ZNF626: variants seen among roughly 807,000 people sequenced by gnomAD.
ZNF626 encodes CTC-513N18.7.
A neutral mutation model predicts 11.7 loss-of-function variants in ZNF626; 4 were observed. The ratio of observed to expected loss-of-function variants is 0.34; its 90% CI spans 0.17 to 0.78. The LOEUF (loss-of-function observed/expected upper bound fraction) is 0.78. Among genes scored for constraint, ZNF626 ranks in the 30% least tolerant of loss-of-function variants. The pLI, the probability that ZNF626 is intolerant of heterozygous loss-of-function variation, is 0.57. For synonymous variants in ZNF626, 179 were observed against 198.6 expected (o/e 0.90, Z 0.83); for missense variants, 588 against 587.1 (o/e 1.00, Z -0.01).
chr19:20,646,378 T>C lies in ZNF626; in HGVS notation c.31A>G (p.Ile11Val). 1.2e-6 allele frequency: 2 copies of C among 1,614,136 alleles called. No homozygotes were observed. Among genetic ancestry groups the C allele is most frequent in the African/African-American group, 1.3e-5 (1 of 75,052 alleles). MGPLQFRDVA[I>V]EFSLEEWHCL... The stretch of plus-strand genomic sequence containing the variant: ...TGCCACTCCTCCAGAGAGAATTCTA[T>C]GGCCACATCTCTAAATTGCAATGGT... The change falls in exon 2 of 4, where the codon ATA (isoleucine) becomes GTA (valine). Residue 11 changes from isoleucine (I) to valine (V), a missense_variant. Ile to Val is a conservative substitution (Grantham distance 29, BLOSUM62 3). This residue lies in a region of ZNF626 where 524 missense variants were observed against 470.1 expected (regional missense o/e 1.11). Coordinates refer to ENST00000601440, the MANE Select transcript of ZNF626 (RefSeq NM_001076675.3).
chr19:20,631,266 G>A (rs1376440146), intron 3 of ZNF626, among the ~76,000 whole-genome samples: 9 of 151,924 alleles, frequency 5.9e-5, no homozygotes, highest in Non-Finnish European at 1.2e-4. Flanking sequence ...TTGGGGTGGA[G>A]AGTTCTATAA....
chr19:20,643,447 TTATA>T (rs1288095797), intron 3 of ZNF626, among the ~76,000 whole-genome samples: 31 of 152,100 alleles, frequency 2.0e-4, no homozygotes, highest in African/African-American at 6.8e-4. Flanking sequence ...GTAACTATGT[TTATA>T]TTTAGTAACT....
Position 20,658,336 on chromosome 19 carries a change from AGACTT to A in ZNF626, c.3+3103_3+3107del, listed in dbSNP as rs548203065. 2.0e-3 allele frequency among the ~76,000 whole-genome samples: 306 copies of A among 152,256 alleles called. 2 individuals carry two copies. The highest frequency in any genetic ancestry group is 7.2e-3 in the African/African-American group (300 of 41,560). ...TGGGGATATGCCAGGAGACCTGTAGAGACTTTTGGGTTCTTGGCAAGAAACGCTAG... is the reference window on the plus strand; with the variant it reads ...TGGGGATATGCCAGGAGACCTGTAGATTGGGTTCTTGGCAAGAAACGCTAG... On this transcript the variant is annotated intron_variant, in intron 1 of 3. Transcript: ENST00000601440.
chr19:20,629,894 A>C (rs530014237), intron 3 of ZNF626, among the ~76,000 whole-genome samples: 1 of 152,356 alleles, frequency 6.6e-6, no homozygotes, highest in Admixed American at 6.5e-5. Context: ...TTGCCCGTTC[A>C]GTATGATATT....
At chr19:20,653,661 AAAAAAG>A (rs151088370) in intron 1 of ZNF626, among the ~76,000 whole-genome samples, 79,622 of 144,852 alleles carry the variant, frequency 0.55, 25,019 homozygotes, top group African/African-American at 0.87. Flanking sequence ...AAGAAAAAGA[AAAAAAG>A]AAAAAGAAAG....
At chr19:20,660,521 G>A (rs1970254457) in intron 1 of ZNF626, among the ~76,000 whole-genome samples, 1 of 152,092 alleles carries the variant, frequency 6.6e-6, no homozygotes, top group Non-Finnish European at 1.5e-5. Context: ...CCGCCTCCCG[G>A]GTTCAAGCAA....
intron 3 of ZNF626, among the ~76,000 whole-genome samples, chr19:20,642,150 T>C (rs1007293332): frequency 6.6e-6 from 1 of 152,204 alleles, no homozygotes; most frequent in South Asian, 2.1e-4. Flanking sequence ...TATTTATAGA[T>C]AAACACACAC....
intron 1 of ZNF626, among the ~76,000 whole-genome samples, chr19:20,656,292 ATAAAT>A (rs1970204594): frequency 1.3e-5 from 2 of 152,212 alleles, no homozygotes; most frequent in Admixed American, 1.3e-4. Context: ...TCAACTCAAG[ATAAAT>A]TAAAGACTTA....
rs3078663 is a variant in ZNF626 at position 20,652,299 on chromosome 19, G to GAAA, written c.4-5897_4-5895dup. ...CACATTCTAAATGATAAGTCTACATGAAAAAAAAAAAAAAGCTGACACAAC... is the reference window on the plus strand; with the variant it reads ...CACATTCTAAATGATAAGTCTACATGAAAAAAAAAAAAAAAAAGCTGACACAAC... On this transcript the variant is annotated intron_variant, in intron 1 of 3. Coordinates refer to ENST00000601440, the MANE Select transcript of ZNF626 (RefSeq NM_001076675.3). 2.2e-3 allele frequency among the ~76,000 whole-genome samples: 296 copies of GAAA among 136,786 alleles called. 3 individuals carry two copies. The highest frequency in any genetic ancestry group is 6.6e-3 in the African/African-American group (247 of 37,662). The allele number at this position is 136,786 out of a possible 152,430, so 89.7% of individuals were successfully genotyped here. A position where few individuals can be genotyped will look rare whatever the true frequency, so the allele number is the denominator to read the frequency against.
At chr19:20,636,338 C>T (rs1245293765) in intron 3 of ZNF626, among the ~76,000 whole-genome samples, 2 of 151,800 alleles carry the variant, frequency 1.3e-5, no homozygotes, top group African/African-American at 4.8e-5. Flanking sequence ...TTGTTACATA[C>T]AATTATAAAC....
At chr19:20,642,745 G>A (rs1342221857) in intron 3 of ZNF626, among the ~76,000 whole-genome samples, 1 of 152,122 alleles carries the variant, frequency 6.6e-6, no homozygotes, top group Non-Finnish European at 1.5e-5. Context: ...CAGGCCAGGC[G>A]CGGTGGCTCA....
At position 20,625,363 on chromosome 19, in the gene ZNF626, G is replaced by T. The variant is rs781850783; in HGVS notation, c.514C>A (p.Pro172Thr). ...TTGCCACATTCTATATATTTGAAAGGTTTTTTCCCAGTATGTCCTCTCTTT... is the reference window on the plus strand; with the variant it reads ...TTGCCACATTCTATATATTTGAAAGTTTTTTTCCCAGTATGTCCTCTCTTT... ...GQKRGHTGKK[P>T]FKYIECGKAF... The change falls in exon 4 of 4, where the codon CCT (proline) becomes ACT (threonine). Residue 172 changes from proline (P) to threonine (T), a missense_variant. Pro to Thr is a conservative substitution (Grantham distance 38). Transcript: ENST00000601440. 6 of 1,613,890 alleles carry T rather than the reference G, an allele frequency of 3.7e-6. No individual in the cohort carries two copies. In the South Asian group the frequency reaches 4.4e-5, roughly 12 times the overall value.
intron 1 of ZNF626, among the ~76,000 whole-genome samples, chr19:20,646,777 C>CT (rs2144785093): frequency 6.6e-6 from 1 of 152,216 alleles, no homozygotes; most frequent in African/African-American, 2.4e-5. Flanking sequence ...TTAATATGTA[C>CT]AATAAGCTGA....
chr19:20,630,668 C>A (rs1599474668), intron 3 of ZNF626, among the ~76,000 whole-genome samples: 1 of 152,102 alleles, frequency 6.6e-6, no homozygotes, highest in African/African-American at 2.4e-5. Context: ...ATTCTTCTCT[C>A]TTTTCTTCTT....
chr19:20,643,028 AT>A (rs1426771144), intron 3 of ZNF626, among the ~76,000 whole-genome samples: 6 of 146,722 alleles, frequency 4.1e-5, no homozygotes, highest in Non-Finnish European at 6.0e-5. Flanking sequence ...AAAAAAAAAA[AT>A]TTGTTGAAGT....
chr19:20,625,775 G>T, intron 3 of ZNF626, 125 bp from the exon 4 acceptor site: 3 of 1,006,082 alleles, frequency 3.0e-6, no homozygotes, highest in Non-Finnish European at 1.3e-6. Flanking sequence ...AATACCACAA[G>T]CTGTAATTTC....
At chr19:20,647,718 C>T (rs1302782953) in intron 1 of ZNF626, among the ~76,000 whole-genome samples, 1 of 151,972 alleles carries the variant, frequency 6.6e-6, no homozygotes, top group South Asian at 2.1e-4. Flanking sequence ...GATCTCCTGA[C>T]CTCGTGATCC....
chr19:20,653,651 AAGAAAAAG>A (rs1292931973), intron 1 of ZNF626, among the ~76,000 whole-genome samples: 1 of 93,570 alleles, frequency 1.1e-5, no homozygotes, highest in Non-Finnish European at 1.8e-5. Flanking sequence ...CAAAAAAAAA[AAGAAAAAG>A]AAAAAAAGAA....
At chr19:20,655,310 T>A (rs1970193484) in intron 1 of ZNF626, among the ~76,000 whole-genome samples, 1 of 152,200 alleles carries the variant, frequency 6.6e-6, no homozygotes. Flanking sequence ...CCTTGGATTA[T>A]CAGGTTTCTG....
Sources: gnomAD v4.1 joint callset for allele counts (sites outside exome capture counted in the v4.1 genomes callset) on GRCh38, gnomAD v4.1.1 for gene constraint, gnomAD v4.1.1 regional missense constraint, MANE v1.5 for transcripts, NCBI Gene and HGNC (gene_info 2026-07-23, HGNC 2026-07-21) for gene names.